The following TENM2 variants were observed in gnomAD, a reference collection of about 807,000 sequenced individuals.
TENM2 encodes teneurin-2.
A neutral mutation model predicts 245.2 loss-of-function variants in TENM2; 52 were observed. The ratio of observed to expected loss-of-function variants is 0.21; its 90% CI spans 0.17 to 0.27. TENM2 has a LOEUF of 0.27. TENM2 is among the 10% of genes least tolerant of loss of function. TENM2 has a pLI of 1.00. For missense variants in TENM2, 3,046 were observed against 3,666.8 expected (o/e 0.83, Z 4.37); for synonymous variants, 1,363 against 1,438.9 (o/e 0.95, Z 1.19).
chr5:167,339,844 A>G (rs774305879), intron 1 of TENM2, among the ~76,000 whole-genome samples: 1 of 152,166 alleles, frequency 6.6e-6, no homozygotes. Flanking sequence ...GGCACAAGCA[A>G]CACTTCCCTC....
intron 2 of TENM2, among the ~76,000 whole-genome samples, chr5:167,504,674 C>T (rs1048590441): frequency 6.6e-6 from 1 of 152,176 alleles, no homozygotes; most frequent in African/African-American, 2.4e-5. Flanking sequence ...GATAGCTTCA[C>T]TGAACTTTGT....
chr5:168,262,648 G>A (rs754622638), exon 29 of TENM2: 1 of 1,602,618 alleles, frequency 6.2e-7, no homozygotes, highest in Non-Finnish European at 8.5e-7. Context: ...GGAGAGAGGG[G>A]AGCCGCCTGT....
the TENM2 span, among the ~76,000 whole-genome samples, chr5:167,139,063 T>C: frequency 9.2e-5 from 14 of 152,254 alleles, no homozygotes; most frequent in African/African-American, 3.4e-4. Context: ...GTTACAATGA[T>C]TGTTTGGCAA....
the TENM2 span, among the ~76,000 whole-genome samples, chr5:167,092,637 A>G: frequency 6.6e-6 from 1 of 152,328 alleles, no homozygotes; most frequent in Admixed American, 6.5e-5. Context: ...AATAGATAAG[A>G]TGACAAACCT....
intron 7 of TENM2, among the ~76,000 whole-genome samples, chr5:168,088,784 G>A (rs1174270918): frequency 5.3e-5 from 8 of 152,198 alleles, no homozygotes; most frequent in Admixed American, 2.6e-4. Flanking sequence ...AAGCCTTTGT[G>A]TTTAAGATTA....
Position 167,974,007 on chromosome 5 carries a change from G to A in TENM2, c.948-18937G>A, listed in dbSNP as rs201016330. Among the ~76,000 whole-genome samples the A allele has an allele frequency of 2.0e-4, 16 of 80,226 alleles. 1 individual carries two copies. The highest frequency in any genetic ancestry group is 2.8e-4 in the Admixed American group (2 of 7,250). 52.6% of individuals were successfully genotyped at this position (80,226 alleles called of 152,430 possible). ...ATGGAAGAAGGAAGGGAGAAAGGGA[G>A]GGAGGGAGGGAGGGAGGAAGGAAGG... On this transcript the variant is annotated intron_variant, in intron 4 of 28. Transcript: ENST00000518659.
chr5:167,404,904 GA>G (rs1762548969), intron 2 of TENM2, among the ~76,000 whole-genome samples: 1 of 152,014 alleles, frequency 6.6e-6, no homozygotes, highest in Non-Finnish European at 1.5e-5. Flanking sequence ...ATCACCCCAG[GA>G]AGAAATTCAG....
chr5:167,831,485 C>CT (rs10667494), intron 2 of TENM2, among the ~76,000 whole-genome samples: 16,715 of 127,686 alleles, frequency 0.13, 1,500 homozygotes, highest in African/African-American at 0.24. Flanking sequence ...GAGTTCAGCA[C>CT]TTTTTTTTTT....
chr5:167,934,392 C>T (rs1208862964), intron 3 of TENM2, among the ~76,000 whole-genome samples: 1 of 152,178 alleles, frequency 6.6e-6, no homozygotes, highest in Non-Finnish European at 1.5e-5. Context: ...AATTTCCTTT[C>T]CCAACATTTT....
At chr5:167,130,082 C>T in the TENM2 span, among the ~76,000 whole-genome samples, 1 of 152,116 alleles carries the variant, frequency 6.6e-6, no homozygotes, top group Non-Finnish European at 1.5e-5. Flanking sequence ...GTGTGTGTAT[C>T]TTTGTATATT....
intron 1 of TENM2, among the ~76,000 whole-genome samples, chr5:167,320,946 C>CAAAAA (rs34725566): frequency 6.7e-6 from 1 of 150,296 alleles, no homozygotes. Flanking sequence ...GACAAACAAA[C>CAAAAA]AAAAAAAAAC....
chr5:167,356,533 G>A (rs1458431844), intron 1 of TENM2, among the ~76,000 whole-genome samples: 2 of 152,210 alleles, frequency 1.3e-5, no homozygotes, highest in Admixed American at 6.5e-5. Context: ...AACAGTTATT[G>A]AGCCCTGGGT....
At chr5:167,303,913 C>T (rs1185720426) in intron 1 of TENM2, among the ~76,000 whole-genome samples, 1 of 152,084 alleles carries the variant, frequency 6.6e-6, no homozygotes, top group Non-Finnish European at 1.5e-5. Flanking sequence ...TGTAGAGTTG[C>T]TAGATCTCCC....
chr5:168,020,547 C>G (rs552969303), intron 5 of TENM2, among the ~76,000 whole-genome samples: 1 of 152,268 alleles, frequency 6.6e-6, no homozygotes, highest in Admixed American at 6.5e-5. Context: ...GTATCATTCC[C>G]TGCTCACTGA....
At chr5:167,286,023 AACTACTTTTT>A (rs1469762530) in intron 1 of TENM2, among the ~76,000 whole-genome samples, 1 of 152,164 alleles carries the variant, frequency 6.6e-6, no homozygotes, top group Non-Finnish European at 1.5e-5. Context: ...AGCTTCCTTA[AACTACTTTTT>A]ACTACTTTTT....
At chr5:168,060,482 A>C (rs1789946152) in intron 6 of TENM2, among the ~76,000 whole-genome samples, 1 of 152,178 alleles carries the variant, frequency 6.6e-6, no homozygotes, top group Admixed American at 6.5e-5. Context: ...CCCCATCTGA[A>C]GGTCTGAACC....
At chr5:167,533,431 C>G (rs1009555048) in intron 2 of TENM2, among the ~76,000 whole-genome samples, 2 of 151,810 alleles carry the variant, frequency 1.3e-5, no homozygotes, top group Non-Finnish European at 2.9e-5. Flanking sequence ...GGTTGTTTTT[C>G]TTTGTTTGTT....
rs1011912850 is a variant in TENM2, at chr5:167,569,572, T to G, written c.502+194099T>G. Among the ~76,000 whole-genome samples, 3 of 152,148 alleles carry G rather than the reference T, an allele frequency of 2.0e-5. No individual in the cohort carries two copies. The East Asian group carries it at 5.8e-4, about 29-fold the overall frequency. The stretch of plus-strand genomic sequence containing the variant: ...CATTTGCTCCTTGTGTGATGTCGGG[T>G]AAGTTAATTTTGCTAAATCTCAGTT... On this transcript the variant is annotated intron_variant, in intron 2 of 28. Transcript: ENST00000518659.
the TENM2 span, among the ~76,000 whole-genome samples, chr5:167,030,973 A>C: frequency 6.6e-6 from 1 of 152,118 alleles, no homozygotes; most frequent in Non-Finnish European, 1.5e-5. Context: ...CATCAGAATC[A>C]CCTAAGGAGT....
Sources: allele counts gnomAD v4.1 joint callset (sites outside exome capture counted in the v4.1 genomes callset), GRCh38; gene constraint gnomAD v4.1.1; transcripts MANE v1.5; gene names NCBI Gene and HGNC (gene_info 2026-07-23, HGNC 2026-07-21).